The following KAZN variants were observed in gnomAD, a reference collection of about 807,000 sequenced individuals.
The protein encoded by KAZN is kazrin.
A neutral mutation model predicts 87.4 loss-of-function variants in KAZN; 40 were observed. The ratio of observed to expected loss-of-function variants is 0.46; its 90% CI spans 0.36 to 0.60. The LOEUF is 0.60. Ranked by LOEUF, KAZN falls within the 20% of genes least tolerant of loss-of-function variation. The pLI is 0.00. For missense variants in KAZN, 898 were observed against 1,073.9 expected (o/e 0.84, Z 2.29); for synonymous variants, 466 against 458.3 (o/e 1.02, Z -0.22).
At chr1:14,976,833 C>T (rs1665682687) in intron 2 of KAZN, among the ~76,000 whole-genome samples, 1 of 152,166 alleles carries the variant, frequency 6.6e-6, no homozygotes, top group South Asian at 2.1e-4. Context: ...GCGAGCAGAT[C>T]ACAAGGTCAA....
intron 1 of KAZN, among the ~76,000 whole-genome samples, chr1:14,865,849 G>A (rs920659441): frequency 6.6e-6 from 1 of 152,152 alleles, no homozygotes; most frequent in Admixed American, 6.5e-5. Context: ...CAGGGAGGAG[G>A]CCGTGGGACC....
chr1:14,643,325 C>T (rs1680549355), intron 1 of KAZN, among the ~76,000 whole-genome samples: 1 of 152,208 alleles, frequency 6.6e-6, no homozygotes, highest in South Asian at 2.1e-4. Flanking sequence ...TCCTCCCACC[C>T]TCCACCTTCA....
chr1:14,361,066 C>T (rs114942212), intron 2 of KAZN, among the ~76,000 whole-genome samples: 9,735 of 152,242 alleles, frequency 0.064, 436 homozygotes, highest in South Asian at 0.21. Flanking sequence ...CTCTGTCCCA[C>T]GGAGATGGGA....
chr1:14,205,891 A>AAAAAAAAG (rs1158645534), intron 2 of KAZN, among the ~76,000 whole-genome samples: 1 of 60,242 alleles, frequency 1.7e-5, no homozygotes, highest in Non-Finnish European at 3.0e-5. Context: ...TCTCAAAAAA[A>AAAAAAAAG]AAAAAAAAAA....
At position 15,044,002 on chromosome 1, in the gene KAZN, C is replaced by T. The variant is rs199800318; in HGVS notation, c.569C>T (p.Ala190Val). The change falls in exon 4 of 15, where the codon GCG becomes GTG. Residue 190 changes from alanine (A) to valine (V), a missense_variant. By Grantham distance (64) the Ala-to-Val change is moderately conservative. Transcript: ENST00000376030. ...YEQHRKESEDAVKALAKEKDL... is the reference protein window; with the variant it reads ...YEQHRKESEDVVKALAKEKDL... ...TCCCACCCACAGGAGAGCGAGGATGCGGTCAAAGCGCTGGCCAAGGAGAAG... is the reference window on the plus strand; with the variant it reads ...TCCCACCCACAGGAGAGCGAGGATGTGGTCAAAGCGCTGGCCAAGGAGAAG... 1.4e-4 allele frequency: 233 copies of T among 1,609,636 alleles called. No homozygotes were observed. The East Asian group carries it at 4.6e-3, about 32-fold the overall frequency.
chr1:14,767,444 G>A (rs149327418), intron 1 of KAZN, among the ~76,000 whole-genome samples: 1 of 152,344 alleles, frequency 6.6e-6, no homozygotes, highest in Non-Finnish European at 1.5e-5. Flanking sequence ...ATCCCACGGG[G>A]CAAGAATGCA....
chr1:14,922,309 GC>G (rs1249118115), intron 1 of KAZN, among the ~76,000 whole-genome samples: 1 of 152,156 alleles, frequency 6.6e-6, no homozygotes, highest in African/African-American at 2.4e-5. Context: ...GCAGGGGCTG[GC>G]AAGGGCATTC....
intron 2 of KAZN, among the ~76,000 whole-genome samples, chr1:14,377,124 G>C (rs1253692268): frequency 6.6e-6 from 1 of 152,194 alleles, no homozygotes; most frequent in African/African-American, 2.4e-5. Flanking sequence ...GGGAAACAGA[G>C]TACTTTGTTG....
intron 1 of KAZN, among the ~76,000 whole-genome samples, chr1:13,941,155 A>C (rs926070811): frequency 6.6e-6 from 1 of 152,152 alleles, no homozygotes; most frequent in South Asian, 2.1e-4. Context: ...AGATCGCACC[A>C]CTGCACTCTG....
In KAZN at chr1:14,859,786, G is replaced by A. The variant is rs369409406; in HGVS notation, c.227-100898G>A. ...TTTTTCTGCATGTCTAAAGCATTCCGACTGCTTCTCCTCCTATTCCCACTA... is the reference window on the plus strand; with the variant it reads ...TTTTTCTGCATGTCTAAAGCATTCCAACTGCTTCTCCTCCTATTCCCACTA... On this transcript the variant is annotated intron_variant, in intron 1 of 14. Transcript: ENST00000376030. Among the ~76,000 whole-genome samples the A allele has an allele frequency of 1.4e-4, 21 of 152,238 alleles. No homozygotes were observed. The East Asian group carries it at 1.7e-3, about 13-fold the overall frequency.
intron 1 of KAZN, among the ~76,000 whole-genome samples, chr1:14,698,854 G>A (rs908720027): frequency 2.6e-5 from 4 of 152,232 alleles, no homozygotes; most frequent in South Asian, 2.1e-4. Flanking sequence ...GCAGGAAATC[G>A]CAAACAAGCT....
intron 1 of KAZN, among the ~76,000 whole-genome samples, chr1:13,941,233 AG>A (rs1640917074): frequency 6.6e-6 from 1 of 152,120 alleles, no homozygotes; most frequent in Admixed American, 6.6e-5. Context: ...AAAAAGGAGT[AG>A]GGGGGAATAT....
At chr1:14,146,254 G>T (rs1645346061) in intron 1 of KAZN, among the ~76,000 whole-genome samples, 1 of 151,700 alleles carries the variant, frequency 6.6e-6, no homozygotes, top group Admixed American at 6.6e-5. Context: ...AAGATGTGGG[G>T]CCAGGCACGG....
intron 2 of KAZN, among the ~76,000 whole-genome samples, chr1:14,556,167 C>T (rs911040027): frequency 2.9e-4 from 43 of 149,646 alleles, no homozygotes; most frequent in African/African-American, 1.1e-3. Context: ...TGGAGGGCAG[C>T]GGTGTGATCT....
intron 1 of KAZN, among the ~76,000 whole-genome samples, chr1:13,980,908 A>T (rs1638632794): frequency 6.6e-6 from 1 of 151,584 alleles, no homozygotes; most frequent in Non-Finnish European, 1.5e-5. Flanking sequence ...TCTGTCTAGC[A>T]TGGCAGACTC....
intron 2 of KAZN, among the ~76,000 whole-genome samples, chr1:14,988,319 G>A (rs1021391408): frequency 1.3e-5 from 2 of 152,184 alleles, no homozygotes; most frequent in African/African-American, 4.8e-5. Context: ...CCTCCCCTGC[G>A]GGCAGCTGGC....
chr1:14,623,068 G>A (rs757826636), intron 1 of KAZN, among the ~76,000 whole-genome samples: 4 of 152,074 alleles, frequency 2.6e-5, no homozygotes, highest in Non-Finnish European at 2.9e-5. Context: ...ACAGAAAATC[G>A]TAAAACAGAA....
intron 1 of KAZN, among the ~76,000 whole-genome samples, chr1:14,950,016 G>GA (rs780998375): frequency 2.0e-5 from 3 of 151,948 alleles, no homozygotes; most frequent in Non-Finnish European, 4.4e-5. Context: ...CCACCTAACG[G>GA]AAAAAACAGT....
intron 2 of KAZN, among the ~76,000 whole-genome samples, chr1:14,976,699 C>T (rs988606916): frequency 6.6e-5 from 10 of 152,154 alleles, no homozygotes; most frequent in African/African-American, 2.4e-4. Context: ...CGTCCTGGGA[C>T]ATGGACTCTC....
Sources: allele counts gnomAD v4.1 joint callset (sites outside exome capture counted in the v4.1 genomes callset), GRCh38; gene constraint gnomAD v4.1.1; transcripts MANE v1.5; gene names NCBI Gene and HGNC (gene_info 2026-07-23, HGNC 2026-07-21).